NELL1: variants seen among roughly 807,000 people sequenced by gnomAD.
The protein encoded by NELL1 is protein kinase C-binding protein NELL1.
Under a neutral mutation model 107.4 loss-of-function variants are expected in NELL1, and 76 were observed. That is an observed-to-expected ratio of 0.71 (90% CI 0.59 to 0.86). NELL1 has a LOEUF of 0.86. Ranked by LOEUF, NELL1 falls within the 40% of genes least tolerant of loss-of-function variation. The pLI, the probability that NELL1 is intolerant of heterozygous loss-of-function variation, is 0.00. For synonymous variants in NELL1, 353 were observed against 341.2 expected (o/e 1.03, Z -0.38); for missense variants, 1,024 against 1,005.5 (o/e 1.02, Z -0.25).
intron 12 of NELL1, among the ~76,000 whole-genome samples, chr11:20,990,584 C>T (rs1298391629): frequency 1.3e-5 from 2 of 152,156 alleles, no homozygotes; most frequent in Non-Finnish European, 1.5e-5. Context: ...ATAATAGATA[C>T]CCAGCTGAGG....
intron 12 of NELL1, among the ~76,000 whole-genome samples, chr11:20,976,147 G>T (rs919417525): frequency 9.4e-6 from 1 of 106,876 alleles, no homozygotes; most frequent in African/African-American, 4.0e-5. Context: ...GTACACACAT[G>T]TATATATATA....
intron 13 of NELL1, among the ~76,000 whole-genome samples, chr11:21,142,902 G>C (rs1423469203): frequency 6.6e-6 from 1 of 152,182 alleles, no homozygotes; most frequent in Non-Finnish European, 1.5e-5. Context: ...TGAAACAGAC[G>C]CACGGTATGG....
chr11:21,435,794 G>A (rs202059794), intron 15 of NELL1, among the ~76,000 whole-genome samples: 3 of 146,330 alleles, frequency 2.1e-5, no homozygotes, highest in African/African-American at 8.2e-5. Context: ...GTGTGTGTGT[G>A]TTTGTGTGTG....
chr11:20,755,559 T>TATTTTTTATTTTTTTTTA (rs1554914196), intron 2 of NELL1, among the ~76,000 whole-genome samples: 3 of 17,668 alleles, frequency 1.7e-4, no homozygotes, highest in African/African-American at 3.1e-4. Context: ...TGTTTTTGTT[T>TATTTTTTATTTTTTTTTA]TTGTTTTTTT....
At chr11:21,037,564 G>A (rs1039344025) in intron 12 of NELL1, among the ~76,000 whole-genome samples, 3 of 152,090 alleles carry the variant, frequency 2.0e-5, no homozygotes, top group Non-Finnish European at 4.4e-5. Flanking sequence ...TGCATACATT[G>A]CATATGCATA....
In NELL1 at chr11:21,359,677, A is replaced by C. The variant is rs374030966; in HGVS notation, c.1550-11176A>C. On this transcript the variant is annotated intron_variant, in intron 14 of 19. Coordinates refer to ENST00000357134, the MANE Select transcript of NELL1 (RefSeq NM_006157.5). ...TAAAATTACTGTTTCAATCTCACTA[A>C]TTGTTATTGGTTTGTTCTATTTCAT... Among the ~76,000 whole-genome samples, 263 of 152,068 alleles carry C rather than the reference A, an allele frequency of 1.7e-3. 9 individuals are homozygous for C. In the South Asian group the frequency reaches 0.052, roughly 30 times the overall value.
intron 2 of NELL1, among the ~76,000 whole-genome samples, chr11:20,686,950 T>C (rs1854319443): frequency 2.0e-5 from 3 of 149,160 alleles, no homozygotes; most frequent in Admixed American, 1.3e-4. Flanking sequence ...TTTTTTTTAA[T>C]AGAGGTTAGA....
intron 10 of NELL1, among the ~76,000 whole-genome samples, chr11:20,942,986 T>C (rs1850886046): frequency 6.6e-6 from 1 of 152,124 alleles, no homozygotes; most frequent in African/African-American, 2.4e-5. Context: ...TGCCAGCTTA[T>C]TTAAATATCA....
intron 14 of NELL1, among the ~76,000 whole-genome samples, chr11:21,303,365 T>C (rs2133627857): frequency 6.6e-6 from 1 of 152,054 alleles, no homozygotes; most frequent in Non-Finnish European, 1.5e-5. Flanking sequence ...CTAACAGGTA[T>C]GTGAAAAAAT....
intron 1 of NELL1, among the ~76,000 whole-genome samples, chr11:20,676,467 C>T (rs969715143): frequency 3.3e-5 from 5 of 152,038 alleles, no homozygotes; most frequent in African/African-American, 1.2e-4. Flanking sequence ...GGAAGGAAGA[C>T]ATCTTTGGGT....
At chr11:21,473,614 C>T (rs1854239395) in intron 15 of NELL1, among the ~76,000 whole-genome samples, 1 of 152,012 alleles carries the variant, frequency 6.6e-6, no homozygotes, top group Non-Finnish European at 1.5e-5. Flanking sequence ...AGATAACTGT[C>T]CCCATAGCTA....
At chr11:21,570,241 G>C (rs1055852691) in intron 17 of NELL1, among the ~76,000 whole-genome samples, 2 of 151,812 alleles carry the variant, frequency 1.3e-5, no homozygotes, top group Non-Finnish European at 2.9e-5. Flanking sequence ...TGGTGGTGCT[G>C]CTTGGAGAAC....
rs946758753 is a variant in NELL1 at position 20,703,497 on chromosome 11, A to G, written c.184+25437A>G. Among the ~76,000 whole-genome samples, 12 of 151,926 alleles carry G rather than the reference A, an allele frequency of 7.9e-5. No individual in the cohort carries two copies. The Middle Eastern group carries it at 0.01, about 129-fold the overall frequency. ...TTTGAAGGTTTTCTTTTGTGTCTCT[A>G]TCTCCTTCAGTTTTGCTCTGATCTT... On this transcript the variant is annotated intron_variant, in intron 2 of 19. Transcript: ENST00000357134.
intron 15 of NELL1, among the ~76,000 whole-genome samples, chr11:21,387,799 A>G (rs1223446536): frequency 6.6e-6 from 1 of 151,814 alleles, no homozygotes; most frequent in Admixed American, 6.6e-5. Context: ...TTTCTTCATC[A>G]TTCTTAGGTT....
intron 15 of NELL1, among the ~76,000 whole-genome samples, chr11:21,491,437 C>T (rs1854808473): frequency 6.6e-6 from 1 of 152,124 alleles, no homozygotes. Flanking sequence ...TTTCCCAGCA[C>T]CATTTATTAA....
At chr11:20,733,194 AGTCTTT>A (rs1203325464) in intron 2 of NELL1, among the ~76,000 whole-genome samples, 5 of 152,140 alleles carry the variant, frequency 3.3e-5, no homozygotes, top group Middle Eastern at 3.4e-3. Context: ...AGGTTTTGAG[AGTCTTT>A]GTTCTCTCCT....
chr11:20,930,781 TACAC>T (rs924701636), intron 9 of NELL1, among the ~76,000 whole-genome samples: 1 of 151,540 alleles, frequency 6.6e-6, no homozygotes, highest in Non-Finnish European at 1.5e-5. Context: ...AAAATGTTGA[TACAC>T]ACACTAACTA....
chr11:21,550,510 T>C (rs541300689), intron 16 of NELL1, among the ~76,000 whole-genome samples: 20 of 152,196 alleles, frequency 1.3e-4, no homozygotes, highest in African/African-American at 4.6e-4. Context: ...CTTGAATTCA[T>C]TTTTGTATAA....
intron 4 of NELL1, among the ~76,000 whole-genome samples, chr11:20,874,449 A>G (rs1053130822): frequency 7.2e-5 from 11 of 152,314 alleles, no homozygotes; most frequent in African/African-American, 2.6e-4. Context: ...TTGAATTTAG[A>G]ATTCACCATT....
Sources: allele counts gnomAD v4.1 joint callset (sites outside exome capture counted in the v4.1 genomes callset), GRCh38; gene constraint gnomAD v4.1.1; transcripts MANE v1.5; gene names NCBI Gene and HGNC (gene_info 2026-07-23, HGNC 2026-07-21).